The following CCDC146 variants were observed in gnomAD, a reference collection of about 807,000 sequenced individuals.
CCDC146 encodes the protein coiled-coil domain-containing protein 146.
A neutral mutation model predicts 119.3 loss-of-function variants in CCDC146; 92 were observed. That is an observed-to-expected ratio of 0.77 (90% CI 0.65 to 0.92). The LOEUF (loss-of-function observed/expected upper bound fraction) is 0.92, where lower values mean the gene tolerates loss of function less well. Ranked by LOEUF, CCDC146 falls within the 40% of genes least tolerant of loss-of-function variation. The pLI is 0.00. For synonymous variants in CCDC146, 372 were observed against 371.8 expected, an observed-to-expected ratio of 1.00 and a Z score of -0.01; for missense variants, 1,000 against 1,103.0, an observed-to-expected ratio of 0.91 and a Z score of 1.32.
At chr7:77,291,487 G>T (rs963620298) in intron 17 of CCDC146, among the ~76,000 whole-genome samples, 10 of 151,264 alleles carry the variant, frequency 6.6e-5, no homozygotes, top group Non-Finnish European at 1.5e-5. Context: ...GGTAGATTGC[G>T]TGAGCTCAGG....
At chr7:77,227,529 T>G (rs942717532) in intron 2 of CCDC146, among the ~76,000 whole-genome samples, 3 of 152,154 alleles carry the variant, frequency 2.0e-5, no homozygotes, top group African/African-American at 4.8e-5. Flanking sequence ...ATGGTCTCGA[T>G]CTCCTGACCT....
chr7:77,170,863 G>T (rs562238471), intron 2 of CCDC146, among the ~76,000 whole-genome samples: 2 of 152,270 alleles, frequency 1.3e-5, no homozygotes, highest in African/African-American at 4.8e-5. Flanking sequence ...AAACCACAAT[G>T]AGATATTATC....
chr7:77,177,570 A>G (rs1377340421), intron 2 of CCDC146, among the ~76,000 whole-genome samples: 1 of 152,172 alleles, frequency 6.6e-6, no homozygotes, highest in Non-Finnish European at 1.5e-5. Flanking sequence ...ACACATTTAA[A>G]CACTGCTATT....
intron 15 of CCDC146, among the ~76,000 whole-genome samples, chr7:77,284,402 C>T (rs546095208): frequency 1.3e-5 from 2 of 152,098 alleles, no homozygotes; most frequent in East Asian, 3.9e-4. Context: ...CCCAGGAACT[C>T]CATGCTTGCC....
chr7:77,180,553 C>G (rs923042426), intron 2 of CCDC146, among the ~76,000 whole-genome samples: 1 of 152,072 alleles, frequency 6.6e-6, no homozygotes, highest in African/African-American at 2.4e-5. Context: ...CAAAAATTAG[C>G]TGGATGTAGT....
At chr7:77,206,952 G>T (rs1412391958) in intron 2 of CCDC146, among the ~76,000 whole-genome samples, 13 of 151,914 alleles carry the variant, frequency 8.6e-5, no homozygotes, top group Admixed American at 7.9e-4. Flanking sequence ...CATGCCAAAT[G>T]CATGTCTTTT....
chr7:77,167,549 GAAC>G lies in CCDC146; in HGVS notation c.-11-106_-11-104del, dbSNP rs1254113526. 3 of 846,082 alleles carry G rather than the reference GAAC, an allele frequency of 3.5e-6. No homozygotes were observed. The African/African-American group carries it at 5.4e-5, about 15-fold the overall frequency. The allele number at this position is 846,082 out of a possible 1,614,324, so 52.4% of individuals were successfully genotyped here. On this transcript the variant is annotated intron_variant, in intron 1 of 18. Transcript: ENST00000285871. ...AACTTTCCTGATTTGTAGTTTCATT[GAAC>G]AATAGCTTATTCCAGTTTTTTGTTT...
chr7:77,149,069 T>C (rs958364123), intron 1 of CCDC146, among the ~76,000 whole-genome samples: 3 of 152,154 alleles, frequency 2.0e-5, no homozygotes, highest in Admixed American at 6.5e-5. Context: ...GCTACCTGAC[T>C]TCAAACTATA....
At chr7:77,127,808 TC>T (rs1790710610) in intron 1 of CCDC146, among the ~76,000 whole-genome samples, 1 of 152,112 alleles carries the variant, frequency 6.6e-6, no homozygotes, top group African/African-American at 2.4e-5. Context: ...CATTCTGTCA[TC>T]CATATCCCTT....
At chr7:77,127,479 C>T (rs1192059094) in intron 1 of CCDC146, among the ~76,000 whole-genome samples, 1 of 152,126 alleles carries the variant, frequency 6.6e-6, no homozygotes, top group East Asian at 1.9e-4. Flanking sequence ...ATTATCTTTT[C>T]TATAAATTGC....
At chr7:77,279,135 G>T (rs377365103) in intron 13 of CCDC146, 34 bp downstream of exon 13, 381 of 1,590,234 alleles carry the variant, frequency 2.4e-4, no homozygotes, top group Non-Finnish European at 3.4e-5. Context: ...CCTTTCAAAG[G>T]CTTGTTTTCT....
At chr7:77,135,223 C>CT (rs1326076620) in intron 1 of CCDC146, among the ~76,000 whole-genome samples, 2 of 152,180 alleles carry the variant, frequency 1.3e-5, no homozygotes, top group Non-Finnish European at 2.9e-5. Context: ...TGCAGTGGCT[C>CT]ACACCTTTAA....
At chr7:77,171,667 G>A (rs1562822251) in intron 2 of CCDC146, among the ~76,000 whole-genome samples, 1 of 152,152 alleles carries the variant, frequency 6.6e-6, no homozygotes, top group Non-Finnish European at 1.5e-5. Context: ...GGAACCTGAC[G>A]GCCTGCCCAT....
intron 9 of CCDC146, among the ~76,000 whole-genome samples, chr7:77,265,551 TA>T (rs929065536): frequency 2.1e-5 from 2 of 95,914 alleles, no homozygotes; most frequent in African/African-American, 7.1e-5. Flanking sequence ...AGATTGGTTC[TA>T]AAAGACTACA....
intron 2 of CCDC146, among the ~76,000 whole-genome samples, chr7:77,221,676 A>G (rs572762509): frequency 2.0e-5 from 3 of 152,330 alleles, no homozygotes; most frequent in East Asian, 3.9e-4. Context: ...CCCTGGCTTC[A>G]GCGCACTTCC....
At chr7:77,261,866 T>C (rs1287489500) in intron 8 of CCDC146, among the ~76,000 whole-genome samples, 1 of 152,238 alleles carries the variant, frequency 6.6e-6, no homozygotes, top group Non-Finnish European at 1.5e-5. Context: ...TTTAGGTTGG[T>C]TCTATGTCTT....
At chr7:77,133,027 C>T (rs994439770) in intron 1 of CCDC146, among the ~76,000 whole-genome samples, 5 of 151,940 alleles carry the variant, frequency 3.3e-5, no homozygotes, top group South Asian at 2.1e-4. Flanking sequence ...TAAAATTAGC[C>T]GGGCATGGTG....
At position 77,132,874 on chromosome 7, in the gene CCDC146, T is replaced by A. The variant is rs575704672; in HGVS notation, c.-12+10142T>A. 4.8e-3 allele frequency among the ~76,000 whole-genome samples: 737 copies of A among 152,268 alleles called. 4 individuals are homozygous for A. The highest frequency in any genetic ancestry group is 0.016 in the African/African-American group (678 of 41,548). On this transcript the variant is annotated intron_variant, in intron 1 of 18. Coordinates refer to ENST00000285871, the MANE Select transcript of CCDC146 (RefSeq NM_020879.3). ...TTTTTCTTATCTCAATAGATTTTTT[T>A]AAAAAGTGTTTGGTAGGCCGGGCAC...
At chr7:77,171,117 G>C (rs1791414445) in intron 2 of CCDC146, among the ~76,000 whole-genome samples, 2 of 152,092 alleles carry the variant, frequency 1.3e-5, no homozygotes, top group African/African-American at 4.8e-5. Flanking sequence ...CTAAACTTGT[G>C]TCATACATTT....
Sources: allele counts gnomAD v4.1 joint callset (sites outside exome capture counted in the v4.1 genomes callset), GRCh38; gene constraint gnomAD v4.1.1; transcripts MANE v1.5; gene names NCBI Gene and HGNC (gene_info 2026-07-23, HGNC 2026-07-21).